The following TENM2 variants were observed in gnomAD, a reference collection of about 807,000 sequenced individuals.
The protein encoded by TENM2 is teneurin transmembrane protein 2, also known as teneurin-2.
A neutral mutation model predicts 245.2 loss-of-function variants in TENM2; 52 were observed. The ratio of observed to expected loss-of-function variants is 0.21; its 90% CI spans 0.17 to 0.27. TENM2 has a LOEUF of 0.27. Ranked by LOEUF, TENM2 falls within the 10% of genes least tolerant of loss-of-function variation. The pLI, the probability that TENM2 is intolerant of heterozygous loss-of-function variation, is 1.00. For missense variants in TENM2, 3,046 were observed against 3,666.8 expected, an observed-to-expected ratio of 0.83 and a Z score of 4.37; for synonymous variants, 1,363 against 1,438.9, an observed-to-expected ratio of 0.95 and a Z score of 1.19.
At chr5:167,568,308 G>A (rs920912969) in intron 2 of TENM2, among the ~76,000 whole-genome samples, 3 of 152,046 alleles carry the variant, frequency 2.0e-5, no homozygotes, top group Non-Finnish European at 4.4e-5. Flanking sequence ...GAAAACATAG[G>A]GAGATAGCAG....
intron 2 of TENM2, among the ~76,000 whole-genome samples, chr5:167,566,789 G>A (rs780028519): frequency 2.0e-5 from 3 of 152,040 alleles, no homozygotes; most frequent in African/African-American, 4.8e-5. Flanking sequence ...AACTCTATTC[G>A]GTCCACCATG....
At chr5:167,898,895 G>A (rs775896772) in intron 3 of TENM2, among the ~76,000 whole-genome samples, 11 of 152,262 alleles carry the variant, frequency 7.2e-5, no homozygotes, top group Admixed American at 2.6e-4. Context: ...TCGTTTGAGC[G>A]GGGGATGGGA....
At chr5:168,039,451 A>G (rs1182825695) in intron 5 of TENM2, among the ~76,000 whole-genome samples, 1 of 152,176 alleles carries the variant, frequency 6.6e-6, no homozygotes, top group Non-Finnish European at 1.5e-5. Flanking sequence ...ATCCCAGACC[A>G]TGATTTATTT....
chr5:167,858,770 G>A (rs1457861914), intron 2 of TENM2, among the ~76,000 whole-genome samples: 1 of 150,654 alleles, frequency 6.6e-6, no homozygotes, highest in Admixed American at 6.6e-5. Flanking sequence ...GGAGTTCAGC[G>A]GGCAGCGGAG....
chr5:167,350,939 TGGGATATATAC>T, intron 1 of TENM2, among the ~76,000 whole-genome samples: 1 of 79,576 alleles, frequency 1.3e-5, no homozygotes, highest in Non-Finnish European at 2.8e-5. Context: ...GATATATATA[TGGGATATATAC>T]ATATGGATAT....
At chr5:167,400,209 A>G (rs1032760784) in intron 2 of TENM2, among the ~76,000 whole-genome samples, 6 of 152,160 alleles carry the variant, frequency 3.9e-5, no homozygotes, top group African/African-American at 1.4e-4. Flanking sequence ...AGGAGGAATT[A>G]GAATGCCAAG....
intron 2 of TENM2, among the ~76,000 whole-genome samples, chr5:167,762,206 G>C (rs1341180671): frequency 6.6e-6 from 1 of 152,096 alleles, no homozygotes; most frequent in Non-Finnish European, 1.5e-5. Flanking sequence ...CAGCTCTAAG[G>C]TTTTCTACAA....
chr5:167,094,157 T>A, the TENM2 span, among the ~76,000 whole-genome samples: 7 of 152,228 alleles, frequency 4.6e-5, no homozygotes, highest in Non-Finnish European at 7.3e-5. Flanking sequence ...TGGAGACTTT[T>A]ATTTTATTTT....
chr5:167,084,356 TATATATATATAC>T, the TENM2 span, among the ~76,000 whole-genome samples: 1 of 111,568 alleles, frequency 9.0e-6, no homozygotes, highest in South Asian at 2.8e-4. Flanking sequence ...TATATATATA[TATATATATATAC>T]AGATCAGATT....
chr5:167,804,743 A>G (rs1176306821), intron 2 of TENM2, among the ~76,000 whole-genome samples: 3 of 152,138 alleles, frequency 2.0e-5, no homozygotes, highest in African/African-American at 7.2e-5. Flanking sequence ...TAAACAAATG[A>G]ATCACGGCAT....
chr5:167,416,851 A>G (rs1283314498), intron 2 of TENM2, among the ~76,000 whole-genome samples: 2 of 152,150 alleles, frequency 1.3e-5, no homozygotes, highest in Non-Finnish European at 2.9e-5. Context: ...TCTGTGTATA[A>G]TCGATCGCTT....
At chr5:167,319,216 A>G (rs1756567244) in intron 1 of TENM2, among the ~76,000 whole-genome samples, 1 of 152,200 alleles carries the variant, frequency 6.6e-6, no homozygotes, top group Admixed American at 6.5e-5. Context: ...CATGTAAAGT[A>G]TATTGTAGTT....
At chr5:167,893,388 T>C (rs1293128413) in intron 3 of TENM2, among the ~76,000 whole-genome samples, 1 of 152,114 alleles carries the variant, frequency 6.6e-6, no homozygotes, top group African/African-American at 2.4e-5. Flanking sequence ...CTTCCTATAT[T>C]GTAGTAGAAA....
At chr5:166,992,950 C>T in the TENM2 span, among the ~76,000 whole-genome samples, 1 of 152,132 alleles carries the variant, frequency 6.6e-6, no homozygotes, top group African/African-American at 2.4e-5. Context: ...AATGACAAAA[C>T]GTGCTCAGTT....
At chr5:167,942,907 A>G (rs1779301833) in intron 3 of TENM2, among the ~76,000 whole-genome samples, 1 of 152,090 alleles carries the variant, frequency 6.6e-6, no homozygotes, top group African/African-American at 2.4e-5. Flanking sequence ...TTCTCCAGAT[A>G]TTTGATTATC....
intron 7 of TENM2, among the ~76,000 whole-genome samples, chr5:168,070,768 A>T (rs915904408): frequency 2.0e-5 from 3 of 150,338 alleles, no homozygotes; most frequent in Non-Finnish European, 4.4e-5. Flanking sequence ...TGGGCAAAAG[A>T]GTGAGATCCT....
chr5:167,942,704 G>T (rs769494927), intron 3 of TENM2, among the ~76,000 whole-genome samples: 1 of 152,118 alleles, frequency 6.6e-6, no homozygotes, highest in Non-Finnish European at 1.5e-5. Context: ...CAGCAGCGGG[G>T]TACTTCTACT....
At chr5:167,825,068 GT>G (rs1466119528) in intron 2 of TENM2, among the ~76,000 whole-genome samples, 1 of 152,070 alleles carries the variant, frequency 6.6e-6, no homozygotes, top group Non-Finnish European at 1.5e-5. Context: ...TGGAAATCTG[GT>G]TGGGAGGGAG....
intron 2 of TENM2, among the ~76,000 whole-genome samples, chr5:167,599,467 C>T (rs1190057804): frequency 6.6e-6 from 1 of 152,146 alleles, no homozygotes; most frequent in East Asian, 1.9e-4. Flanking sequence ...CTGAACAAAT[C>T]ACCAACTGGA....
Sources: gnomAD v4.1 joint callset for allele counts (sites outside exome capture counted in the v4.1 genomes callset) on GRCh38, gnomAD v4.1.1 for gene constraint, MANE v1.5 for transcripts, NCBI Gene and HGNC (gene_info 2026-07-23, HGNC 2026-07-21) for gene names.